Variants in MAPK10 observed in about 807,000 individuals in gnomAD.
The protein encoded by MAPK10 is mitogen-activated protein kinase 10.
In MAPK10, 25 loss-of-function variants were observed where a neutral mutation model predicts 59.3. The ratio of observed to expected loss-of-function variants is 0.42; its 90% CI spans 0.31 to 0.59. MAPK10 has a LOEUF of 0.59. Among genes scored for constraint, MAPK10 ranks in the 20% least tolerant of loss-of-function variants. MAPK10 has a pLI of 0.15. For missense variants in MAPK10, 351 were observed against 568.9 expected, an observed-to-expected ratio of 0.62 and a Z score of 3.90; for synonymous variants, 190 against 200.5, an observed-to-expected ratio of 0.95 and a Z score of 0.44.
intron 4 of MAPK10, among the ~76,000 whole-genome samples, chr4:86,122,246 C>G (rs1050416770): frequency 2.0e-5 from 3 of 152,120 alleles, no homozygotes; most frequent in African/African-American, 7.2e-5. Context: ...GTTTCCCAGG[C>G]ATTTATCTGC....
At chr4:86,482,872 C>T (rs550374704) in intron 1 of MAPK10, among the ~76,000 whole-genome samples, 2 of 152,190 alleles carry the variant, frequency 1.3e-5, no homozygotes, top group East Asian at 1.9e-4. Context: ...GAGTATATTC[C>T]ATTCTGGCTC....
intron 4 of MAPK10, chr4:86,120,233 G>C (rs1407558422): frequency 6.6e-6 from 1 of 152,146 alleles, no homozygotes; most frequent in Non-Finnish European, 1.5e-5. Context: ...AGATGACCAA[G>C]CCTAATTATA....
At chr4:86,467,006 G>A (rs1752262635) in intron 1 of MAPK10, among the ~76,000 whole-genome samples, 1 of 152,250 alleles carries the variant, frequency 6.6e-6, no homozygotes, top group African/African-American at 2.4e-5. Flanking sequence ...CTGGAGTGAA[G>A]ATGATGTGGA....
chr4:86,103,687 C>G (rs796328343), intron 5 of MAPK10, among the ~76,000 whole-genome samples: 21 of 151,852 alleles, frequency 1.4e-4, no homozygotes, highest in Admixed American at 5.9e-4. Flanking sequence ...TGTGTTGTTA[C>G]TTTATATTTT....
At chr4:86,232,791 T>C (rs1285336677) in intron 2 of MAPK10, among the ~76,000 whole-genome samples, 1 of 152,234 alleles carries the variant, frequency 6.6e-6, no homozygotes, top group African/African-American at 2.4e-5. Context: ...GAATACCTAG[T>C]AAGACATGAA....
Position 86,017,404 on chromosome 4 carries a change from A to G in MAPK10, c.1253-34T>C, listed in dbSNP as rs369370423. ...AGAAAATGAAGACCAACATGACTCAATCTAGAACCAGACCCATCTTAATGC... is the reference window on the plus strand; with the variant it reads ...AGAAAATGAAGACCAACATGACTCAGTCTAGAACCAGACCCATCTTAATGC... On this transcript the variant is annotated intron_variant, in intron 13 of 13. Transcript: ENST00000641462. This position sits in a 1 kb window ranked among gnomAD's most constrained non-coding sequence, Gnocchi z 4.4. The G allele has an allele frequency of 1.2e-5, 20 of 1,612,434 alleles. No individual in the cohort carries two copies. Among genetic ancestry groups the G allele is most frequent in the East Asian group, 4.5e-5 (2 of 44,826 alleles).
chr4:86,265,530 T>A (rs1186539553), intron 2 of MAPK10, among the ~76,000 whole-genome samples: 1 of 151,822 alleles, frequency 6.6e-6, no homozygotes, highest in Admixed American at 6.6e-5. Context: ...AAAAGTATTA[T>A]GATATGGATT....
chr4:86,194,374 T>C lies in MAPK10; in HGVS notation c.28A>G (p.Ser10Gly). 6.2e-7 allele frequency: 1 copy of C among 1,612,736 alleles called. No individual in the cohort carries two copies. Among genetic ancestry groups the C allele is most frequent in the Non-Finnish European group, 8.5e-7 (1 of 1,178,776 alleles). The change falls in exon 3 of 14, where the codon AGT becomes GGT. Residue 10 changes from serine (S) to glycine (G), a missense_variant. By Grantham distance (56) the Ser-to-Gly change is moderately conservative. This residue lies in a region of MAPK10 where 61 missense variants were observed against 58.4 expected (regional missense o/e 1.05). Transcript: ENST00000641462. ...ATTTTCACATCCAATGTTGGTTCAC[T>C]GCAGTAGTATAAGAAATGGAGGCTC... MSLHFLYYC[S>G]EPTLDVKIAF...
At chr4:86,287,138 T>G (rs2095045545) in intron 2 of MAPK10, among the ~76,000 whole-genome samples, 1 of 152,044 alleles carries the variant, frequency 6.6e-6, no homozygotes, top group Non-Finnish European at 1.5e-5. Flanking sequence ...GGAAAGAGGA[T>G]CATGAAAAAA....
intron 2 of MAPK10, among the ~76,000 whole-genome samples, chr4:86,288,336 C>A (rs1005928704): frequency 8.1e-6 from 1 of 122,940 alleles, no homozygotes; most frequent in Non-Finnish European, 1.6e-5. Context: ...CCCCCCACCC[C>A]ACAACAGTCC....
intron 2 of MAPK10, among the ~76,000 whole-genome samples, chr4:86,271,693 T>C (rs911544097): frequency 6.6e-6 from 1 of 151,964 alleles, no homozygotes; most frequent in Admixed American, 6.6e-5. Context: ...CTTACAATTA[T>C]GGCAGAAGGG....
In MAPK10 at chr4:86,448,171, C is replaced by G. The variant is rs1579258321; in HGVS notation, c.-122+4859G>C. 2.0e-5 allele frequency among the ~76,000 whole-genome samples: 3 copies of G among 152,258 alleles called. No homozygotes were observed. The East Asian group carries it at 5.8e-4, about 29-fold the overall frequency. On this transcript the variant is annotated intron_variant, in intron 1 of 13. Coordinates refer to the MAPK10 transcript ENST00000361569. ...TCTCACAAACCAATTTTTATTTAAC[C>G]AACCTGTATTAGAGTCTATTTCACA...
rs551936132 is a variant in MAPK10 at position 86,528,768 on chromosome 4, C to T, written c.-263+65142G>A. Among the ~76,000 whole-genome samples, 9 of 152,188 alleles carry T rather than the reference C, an allele frequency of 5.9e-5. No individual in the cohort carries two copies. The South Asian group carries it at 6.2e-4, about 10-fold the overall frequency. ...CCCAAACTTTCCTGGTGAACGGTAACCCCCCAAATATATCTTGCCTAATTT... is the reference window on the plus strand; with the variant it reads ...CCCAAACTTTCCTGGTGAACGGTAATCCCCCAAATATATCTTGCCTAATTT... On this transcript the variant is annotated intron_variant, in intron 1 of 4. Coordinates refer to the MAPK10 transcript ENST00000502302.
intron 1 of MAPK10, among the ~76,000 whole-genome samples, chr4:86,581,876 TA>T (rs1762296002): frequency 7.2e-6 from 1 of 139,186 alleles, no homozygotes; most frequent in Non-Finnish European, 1.5e-5. Flanking sequence ...TGGAAATTAG[TA>T]AAACACTTTA....
intron 8 of MAPK10, chr4:86,100,339 T>A (rs2055108073): frequency 6.6e-6 from 1 of 152,190 alleles, no homozygotes; most frequent in Non-Finnish European, 1.5e-5. Context: ...TTTAATCAAC[T>A]ACACTCAATT....
chr4:86,109,907 T>C (rs2057191865), intron 4 of MAPK10, among the ~76,000 whole-genome samples: 1 of 152,220 alleles, frequency 6.6e-6, no homozygotes, highest in Non-Finnish European at 1.5e-5. Context: ...TTCTTGACTT[T>C]TTAATTATCA....
chr4:86,064,793 G>A (rs2046402194), intron 10 of MAPK10: 2 of 161,436 alleles, frequency 1.2e-5, no homozygotes, highest in Admixed American at 6.2e-5. Flanking sequence ...TAATCAACAC[G>A]TGTGTCTCTA....
chr4:86,090,152 C>T (rs1212484108), intron 9 of MAPK10, among the ~76,000 whole-genome samples: 2 of 151,566 alleles, frequency 1.3e-5, no homozygotes, highest in Admixed American at 6.6e-5. Context: ...CTCTCTTGAG[C>T]TACACTTGGT....
intron 2 of MAPK10, among the ~76,000 whole-genome samples, chr4:86,259,748 A>C (rs7666231): frequency 0.43 from 65,197 of 151,866 alleles, 15,828 homozygotes; most frequent in African/African-American, 0.66. Flanking sequence ...CAACATTACC[A>C]TCCAAGCCAT....
Sources: gnomAD v4.1 joint callset for allele counts (sites outside exome capture counted in the v4.1 genomes callset) on GRCh38, gnomAD v4.1.1 for gene constraint, gnomAD v4.1.1 regional missense constraint, Gnocchi (gnomAD v3.1) non-coding constraint, MANE v1.5 for transcripts, NCBI Gene and HGNC (gene_info 2026-07-23, HGNC 2026-07-21) for gene names.